Variants in TRPC5 observed in about 807,000 individuals in gnomAD.
TRPC5 encodes the protein short transient receptor potential channel 5.
Under a neutral mutation model 56.5 loss-of-function variants are expected in TRPC5, and 9 were observed. The observed-to-expected ratio is 0.16, with a 90% CI of 0.10 to 0.28. TRPC5 has a LOEUF of 0.28. Among genes scored for constraint, TRPC5 ranks in the 10% least tolerant of loss-of-function variants. The pLI, the probability that TRPC5 is intolerant of heterozygous loss-of-function variation, is 1.00. For synonymous variants in TRPC5, 282 were observed against 278.5 expected, an observed-to-expected ratio of 1.01 and a Z score of -0.13; for missense variants, 469 against 748.9, an observed-to-expected ratio of 0.63 and a Z score of 4.36.
chrX:111,809,131 A>G (rs919351358), intron 7 of TRPC5, among the ~76,000 whole-genome samples: 8 of 110,787 alleles, frequency 7.2e-5, no homozygotes, highest in Non-Finnish European at 1.1e-4. Flanking sequence ...GAGGGGTGGT[A>G]CAAGCACTCC....
At position 111,912,413 on chromosome X, in the gene TRPC5, G is replaced by A; in HGVS notation, c.778C>T (p.Arg260Trp). 8.3e-7 allele frequency: 1 copy of A among 1,211,517 alleles called. No individual in the cohort carries two copies. The highest frequency in any genetic ancestry group is 1.1e-6 in the Non-Finnish European group (1 of 895,495). ...ATGATCTCCAGTTCCCTGGAGCTCC[G>A]AGCTTGGTCCAGCAGGTCTTTGGCA... ...LFAKDLLDQA[R>W]SSRELEIILN... Residue 260 changes from arginine to tryptophan, a missense_variant, in exon 3 of 11, where the codon CGG becomes TGG. Transcript: ENST00000262839.
rs754306407 is a variant in TRPC5 at position 111,952,461 on chromosome X, A to C, written c.-21-20T>G. ...AGAAATCTGAGTGAGGAAACAGAGAAAGACCAAAATATCCTTAGATACGTG... is the reference window on the plus strand; with the variant it reads ...AGAAATCTGAGTGAGGAAACAGAGACAGACCAAAATATCCTTAGATACGTG... On this transcript the variant is annotated intron_variant, in intron 1 of 10. Coordinates refer to ENST00000262839, the MANE Select transcript of TRPC5 (RefSeq NM_012471.3). The C allele has an allele frequency of 1.4e-5, 16 of 1,168,161 alleles. No individual in the cohort carries two copies. Among genetic ancestry groups the C allele is most frequent in the Middle Eastern group, 2.4e-4 (1 of 4,172 alleles).
intron 1 of TRPC5, among the ~76,000 whole-genome samples, chrX:112,026,522 A>C (rs754099567): frequency 8.9e-6 from 1 of 112,225 alleles, no homozygotes; most frequent in East Asian, 2.8e-4. Context: ...AAAGTTAAAT[A>C]AAAGAAGGTC....
rs928046515 is a variant in TRPC5, at chrX:111,782,178, A to C, written c.1897-40T>G. 4 of 1,110,119 alleles carry C rather than the reference A, an allele frequency of 3.6e-6. No homozygotes were observed. In the African/African-American group the frequency reaches 7.3e-5, roughly 20 times the overall value. 91.5% of individuals were successfully genotyped at this position (1,110,119 alleles called of 1,213,427 possible). On this transcript the variant is annotated intron_variant, in intron 7 of 10. Transcript: ENST00000262839. Reference sequence around the variant, plus strand: ...GAAGTTCAAGGATTTGGGATGGGAAACTGCACGATGTACTCACTTCTTATT... The same window carrying C: ...GAAGTTCAAGGATTTGGGATGGGAACCTGCACGATGTACTCACTTCTTATT...
At chrX:112,030,263 C>T (rs190789539) in intron 1 of TRPC5, among the ~76,000 whole-genome samples, 1 of 112,721 alleles carries the variant, frequency 8.9e-6, no homozygotes, top group Admixed American at 9.4e-5. Flanking sequence ...CATGTATCAT[C>T]TTGTGTAATA....
At chrX:112,073,805 C>T (rs897081342) in intron 1 of TRPC5, among the ~76,000 whole-genome samples, 3 of 111,728 alleles carry the variant, frequency 2.7e-5, no homozygotes, top group African/African-American at 9.8e-5. Context: ...TATCTCACCT[C>T]GCCTTCACAT....
chrX:111,883,399 C>G (rs1193942188), intron 3 of TRPC5, among the ~76,000 whole-genome samples: 1 of 112,040 alleles, frequency 8.9e-6, no homozygotes, highest in Non-Finnish European at 1.9e-5. Context: ...AGTTCCAGTC[C>G]CAGTCTACTT....
intron 1 of TRPC5, among the ~76,000 whole-genome samples, chrX:111,989,949 T>C (rs1001577990): frequency 6.2e-5 from 7 of 112,417 alleles, no homozygotes; most frequent in African/African-American, 2.3e-4. Flanking sequence ...GGGGGGAAAA[T>C]GAAGGCACAA....
intron 1 of TRPC5, among the ~76,000 whole-genome samples, chrX:112,055,691 AT>A (rs1312312033): frequency 1.8e-5 from 2 of 109,017 alleles, no homozygotes; most frequent in Non-Finnish European, 3.8e-5. Flanking sequence ...TGTTAAAGGA[AT>A]TTTGTGTGTT....
At chrX:112,004,299 AT>A (rs201534266) in intron 1 of TRPC5, among the ~76,000 whole-genome samples, 9,638 of 111,903 alleles carry the variant, frequency 0.086, 643 homozygotes, top group African/African-American at 0.23. Context: ...GAACACAAGA[AT>A]GCTTGCTGTG....
chrX:111,866,485 G>T (rs756662988), intron 3 of TRPC5, among the ~76,000 whole-genome samples: 2 of 112,879 alleles, frequency 1.8e-5, no homozygotes, highest in Non-Finnish European at 3.7e-5. Flanking sequence ...TCCCTCTTCA[G>T]TGCTTCAGTT....
At chrX:112,020,497 C>T (rs893579288) in intron 1 of TRPC5, among the ~76,000 whole-genome samples, 3 of 111,665 alleles carry the variant, frequency 2.7e-5, no homozygotes, top group African/African-American at 9.8e-5. Context: ...ATGTAATATC[C>T]TAGGGTCTTG....
chrX:111,940,130 C>A (rs1394152697), intron 2 of TRPC5, among the ~76,000 whole-genome samples: 1 of 111,886 alleles, frequency 8.9e-6, no homozygotes, highest in Non-Finnish European at 1.9e-5. Context: ...TTCTTAATTT[C>A]TATAGGTTCA....
intron 1 of TRPC5, among the ~76,000 whole-genome samples, chrX:112,003,781 G>A (rs112609323): frequency 0.094 from 10,411 of 110,936 alleles, 773 homozygotes; most frequent in African/African-American, 0.26. Context: ...GGGGAGCAAT[G>A]AGAAAAAGTT....
chrX:111,799,418 G>T (rs1179379910), intron 7 of TRPC5, among the ~76,000 whole-genome samples: 4 of 111,353 alleles, frequency 3.6e-5, no homozygotes, highest in Admixed American at 9.7e-5. Flanking sequence ...AATGCTGTGA[G>T]TTCAACACCA....
At position 111,776,767 on chromosome X, in the gene TRPC5, G is replaced by C. The variant is rs745416632; in HGVS notation, c.2468C>G (p.Ala823Gly). The C allele has an allele frequency of 1.7e-6, 2 of 1,208,732 alleles. No individual in the cohort carries two copies. Among genetic ancestry groups the C allele is most frequent in the African/African-American group, 1.7e-5 (1 of 57,177 alleles). The stretch of plus-strand genomic sequence containing the variant: ...TGACTCAGCTTTTGACTTTCCTTGG[G>C]CACCACTGGACCTTGGCATGGTTCT... ...LIRTMPRSSG[A>G]QGKSKAESSS... Residue 823 changes from alanine to glycine, a missense_variant, in exon 11 of 11, where the codon GCC (alanine) becomes GGC (glycine). Coordinates refer to ENST00000262839, the MANE Select transcript of TRPC5 (RefSeq NM_012471.3).
chrX:111,858,566 T>C (rs1008566079), intron 3 of TRPC5, among the ~76,000 whole-genome samples: 8 of 111,348 alleles, frequency 7.2e-5, no homozygotes. Context: ...TTGGACTGCT[T>C]CTGTGTCTCT....
chrX:111,895,824 C>T (rs1358264148), intron 3 of TRPC5: 2 of 111,728 alleles, frequency 1.8e-5, no homozygotes, highest in Non-Finnish European at 3.8e-5. Context: ...GAAGATGTTT[C>T]ACTATTACTA....
rs757681141 is a variant in TRPC5, at chrX:111,906,252, G to C, written c.900+6039C>G. On this transcript the variant is annotated intron_variant, in intron 3 of 10. Coordinates refer to ENST00000262839, the MANE Select transcript of TRPC5 (RefSeq NM_012471.3). ...CACCTGTAATCCCAGCTACTCAGGA[G>C]GCTGAGGCATGAGAATAGCTTGAAC... Among the ~76,000 whole-genome samples the C allele has an allele frequency of 1.7e-4, 19 of 109,392 alleles. 1 individual carries two copies. In the South Asian group the frequency reaches 7.4e-3, roughly 43 times the overall value. The allele number at this position is 109,392 out of a possible 115,157, so 95.0% of individuals were successfully genotyped here. A position where few individuals can be genotyped will look rare whatever the true frequency, so the allele number is the denominator to read the frequency against.
Sources: gnomAD v4.1 joint callset for allele counts (sites outside exome capture counted in the v4.1 genomes callset) on GRCh38, gnomAD v4.1.1 for gene constraint, MANE v1.5 for transcripts, NCBI Gene and HGNC (gene_info 2026-07-23, HGNC 2026-07-21) for gene names.